The following GALNT6 variants were observed in gnomAD, a reference collection of about 807,000 sequenced individuals.
GALNT6 encodes the protein GalNAc transferase 6.
GALNT6 carries 51 observed loss-of-function variants against 65.9 expected under a neutral mutation model. That is an observed-to-expected ratio of 0.77 (90% CI 0.62 to 0.98). The LOEUF (loss-of-function observed/expected upper bound fraction) is 0.98, where lower values mean the gene tolerates loss of function less well. Ranked by LOEUF, GALNT6 falls within the 50% of genes least tolerant of loss-of-function variation. The pLI, the probability that GALNT6 is intolerant of heterozygous loss-of-function variation, is 0.00. For synonymous variants in GALNT6, 323 were observed against 315.1 expected (o/e 1.02, Z -0.26); for missense variants, 708 against 803.3 (o/e 0.88, Z 1.43).
intron 2 of GALNT6, chr12:51,383,582 C>T (rs1012199579): frequency 2.0e-5 from 3 of 152,126 alleles, no homozygotes; most frequent in Non-Finnish European, 2.9e-5. Context: ...TTTTATTTTC[C>T]CTGGAGAAAG....
intron 3 of GALNT6, 152 bp from the exon 4 acceptor site, chr12:51,377,519 T>A: frequency 3.0e-6 from 2 of 674,568 alleles, no homozygotes; most frequent in East Asian, 5.4e-5. Flanking sequence ...CTGTTCCCTG[T>A]TCCTGTCTTC....
rs780587321 is a variant in GALNT6 at position 51,358,180 on chromosome 12, C to T, written c.1450G>A (p.Val484Ile). The change falls in exon 9 of 12, where the codon GTC becomes ATC. Residue 484 changes from valine to isoleucine, a missense_variant. Physicochemically the swap from Val to Ile is conservative, Grantham distance 29. Transcript: ENST00000356317. Reference sequence around the variant, plus strand: ...TCAGGAACAAACATCTCTGGGTAGACATTGTGCAGGTACCAGGAAAAGTTG... The same window carrying T: ...TCAGGAACAAACATCTCTGGGTAGATATTGTGCAGGTACCAGGAAAAGTTG... ...CHNFSWYLHN[V>I]YPEMFVPDLT... 5 of 1,614,060 alleles carry T rather than the reference C, an allele frequency of 3.1e-6. No individual in the cohort carries two copies. In the South Asian group the frequency reaches 4.4e-5, roughly 14 times the overall value.
In GALNT6 at chr12:51,354,498, A is replaced by T. The variant is rs774585781; in HGVS notation, c.1756-6T>A. The T allele has an allele frequency of 3.8e-6, 6 of 1,575,910 alleles. No individual in the cohort carries two copies. The highest frequency in any genetic ancestry group is 1.4e-5 in the African/African-American group (1 of 73,292). ...GAGTTCCTGATGAGCTGATCCTAAA[A>T]GATGACAAAGCAAAAGGTCAGTCTG... On this transcript the variant is annotated splice_polypyrimidine_tract_variant and splice_region_variant and intron_variant, in intron 11 of 11. Coordinates refer to ENST00000356317, the MANE Select transcript of GALNT6 (RefSeq NM_007210.4).
chr12:51,388,154 C>A (rs1208416229), intron 2 of GALNT6, among the ~76,000 whole-genome samples: 2 of 152,336 alleles, frequency 1.3e-5, no homozygotes, highest in East Asian at 1.9e-4. Flanking sequence ...GCTCCCAAGT[C>A]CTGCTGATTC....
chr12:51,366,357 C>T (rs1301541001), intron 4 of GALNT6, among the ~76,000 whole-genome samples: 1 of 152,220 alleles, frequency 6.6e-6, no homozygotes, highest in African/African-American at 2.4e-5. Flanking sequence ...GTCTCCCAGG[C>T]TCTTCACGGT....
At chr12:51,356,504 G>A (rs1193513167) in intron 10 of GALNT6, among the ~76,000 whole-genome samples, 3 of 150,764 alleles carry the variant, frequency 2.0e-5, no homozygotes, top group South Asian at 2.1e-4. Context: ...GACTGCAGGC[G>A]TGTAGCACCA....
At position 51,355,969 on chromosome 12, in the gene GALNT6, A is replaced by C. The variant is rs757231544; in HGVS notation, c.1603-11T>G. On this transcript the variant is annotated splice_polypyrimidine_tract_variant and intron_variant, in intron 10 of 11. Coordinates refer to ENST00000356317, the MANE Select transcript of GALNT6 (RefSeq NM_007210.4). Reference sequence around the variant, plus strand: ...TGTGTACTCAAAGTACTGGAAATCAAGACAAGAGAAGCAGGTGGAGAGTTC... The same window carrying C: ...TGTGTACTCAAAGTACTGGAAATCACGACAAGAGAAGCAGGTGGAGAGTTC... The C allele has an allele frequency of 1.2e-5, 19 of 1,611,452 alleles. No individual in the cohort carries two copies. Among genetic ancestry groups the C allele is most frequent in the Non-Finnish European group, 1.4e-5 (16 of 1,178,228 alleles).
intron 4 of GALNT6, among the ~76,000 whole-genome samples, chr12:51,366,897 G>A (rs1315828685): frequency 2.0e-5 from 3 of 152,216 alleles, no homozygotes; most frequent in African/African-American, 4.8e-5. Context: ...GGAGGCCAAG[G>A]CAGATGGATC....
chr12:51,379,285 AC>A lies in GALNT6; in HGVS notation c.491+5del. On this transcript the variant is annotated splice_donor_5th_base_variant and intron_variant, in intron 3 of 11. Transcript: ENST00000356317. ...TCTCCCCACAAGGACTCTGGGTGCT[AC>A]TTACTCAGGTGGTCGGGTGTCTGGC... 1 of 1,520,328 alleles carries A rather than the reference AC, an allele frequency of 6.6e-7. No homozygotes were observed. Among genetic ancestry groups the A allele is most frequent in the Non-Finnish European group, 8.8e-7 (1 of 1,137,148 alleles). 94.2% of individuals were successfully genotyped at this position (1,520,328 alleles called of 1,614,324 possible).
At chr12:51,357,881 C>T (rs952004937) in intron 9 of GALNT6, among the ~76,000 whole-genome samples, 20 of 152,172 alleles carry the variant, frequency 1.3e-4, no homozygotes, top group African/African-American at 4.8e-4. Flanking sequence ...AGCGTTTTAC[C>T]GTGCCTTCCT....
chr12:51,355,854 A>T lies in GALNT6; in HGVS notation c.1707T>A (p.Thr569=). Residue 569 remains threonine, a synonymous_variant, in exon 11 of 12, where the codon ACT becomes ACA. Coordinates refer to ENST00000356317, the MANE Select transcript of GALNT6 (RefSeq NM_007210.4). ...GALGLGSCHF[T]GKNSQVPKDE... ...CCTTGGGGACCTGGCTATTCTTGCC[A>T]GTGAAGTGACAGCTCCCAAGGCCCA... is the stretch of plus-strand genomic sequence containing the variant. 6.2e-7 allele frequency: 1 copy of T among 1,613,976 alleles called. No homozygotes were observed. The highest frequency in any genetic ancestry group is 8.5e-7 in the Non-Finnish European group (1 of 1,179,870).
intron 2 of GALNT6, chr12:51,383,347 T>C (rs1947731427): frequency 6.6e-6 from 1 of 152,242 alleles, no homozygotes; most frequent in East Asian, 1.9e-4. Context: ...AGGCTTCGTC[T>C]TCCCTGCTAC....
intron 2 of GALNT6, among the ~76,000 whole-genome samples, chr12:51,389,514 C>T (rs1465468915): frequency 6.6e-6 from 1 of 152,244 alleles, no homozygotes; most frequent in Non-Finnish European, 1.5e-5. Flanking sequence ...TTGCATTTGA[C>T]TGGTGCTTGG....
At chr12:51,378,003 G>A (rs1947519373) in intron 3 of GALNT6, among the ~76,000 whole-genome samples, 1 of 152,174 alleles carries the variant, frequency 6.6e-6, no homozygotes, top group Admixed American at 6.5e-5. Flanking sequence ...TCTCAGGGTT[G>A]GGGTGGGAAT....
At chr12:51,356,925 C>G (rs1402682365) in intron 10 of GALNT6, among the ~76,000 whole-genome samples, 1 of 152,160 alleles carries the variant, frequency 6.6e-6, no homozygotes, top group East Asian at 1.9e-4. Context: ...GCTCTGTTTT[C>G]AGTGCCTCTC....
At position 51,377,369 on chromosome 12, in the gene GALNT6, T is replaced by A. The variant is rs200960895; in HGVS notation, c.492-2A>T. On this transcript the variant is annotated splice_acceptor_variant, in intron 3 of 11. Transcript: ENST00000356317. LOFTEE classifies it high-confidence loss of function. ...CGCCGGAACTTCTGGTCCACACACC[T>A]GGAAGTATGAAAGTACGGACAAAGT... 6 of 1,611,918 alleles carry A rather than the reference T, an allele frequency of 3.7e-6. No homozygotes were observed. The African/African-American group carries it at 8.0e-5, about 22-fold the overall frequency.
chr12:51,378,882 A>ACCCCCCCCCC (rs369224950), intron 3 of GALNT6, among the ~76,000 whole-genome samples: 3 of 115,022 alleles, frequency 2.6e-5, no homozygotes, highest in African/African-American at 7.5e-5. Context: ...AGAAATGCCC[A>ACCCCCCCCCC]CCCCCCCCCC....
intron 6 of GALNT6, among the ~76,000 whole-genome samples, chr12:51,363,191 C>G (rs1946980520): frequency 6.6e-6 from 1 of 152,174 alleles, no homozygotes; most frequent in Non-Finnish European, 1.5e-5. Context: ...CAAATAATCC[C>G]AAACCACAGG....
At chr12:51,376,860 G>T (rs1947472907) in intron 4 of GALNT6, among the ~76,000 whole-genome samples, 1 of 152,160 alleles carries the variant, frequency 6.6e-6, no homozygotes, top group Admixed American at 6.5e-5. Context: ...AAGAGCAGAA[G>T]AGTGGCCCAG....
Sources: allele counts gnomAD v4.1 joint callset (sites outside exome capture counted in the v4.1 genomes callset), GRCh38; gene constraint gnomAD v4.1.1; transcripts MANE v1.5; gene names NCBI Gene and HGNC (gene_info 2026-07-23, HGNC 2026-07-21).